The following PRMT9 variants were observed in gnomAD, a reference collection of about 807,000 sequenced individuals.
The protein encoded by PRMT9 is protein arginine methyltransferase 9.
PRMT9 carries 59 observed loss-of-function variants against 83.2 expected under a neutral mutation model. That is an observed-to-expected ratio of 0.71 (90% CI 0.57 to 0.88). PRMT9 has a LOEUF of 0.88. Ranked by LOEUF, PRMT9 falls within the 40% of genes least tolerant of loss-of-function variation. The probability of loss-of-function intolerance (pLI) is 0.00; values close to 1 mark genes in which losing one functional copy is unlikely to be tolerated. For missense variants in PRMT9, 947 were observed against 1,021.9 expected, an observed-to-expected ratio of 0.93 and a Z score of 1.00; for synonymous variants, 333 against 353.2, an observed-to-expected ratio of 0.94 and a Z score of 0.64.
At chr4:147,675,180 A>G (rs1735990295) in intron 2 of PRMT9, among the ~76,000 whole-genome samples, 1 of 152,028 alleles carries the variant, frequency 6.6e-6, no homozygotes, top group Non-Finnish European at 1.5e-5. Context: ...GGGTTTCTCC[A>G]TGTTGGTCAG....
In PRMT9 at chr4:147,684,130, A is replaced by G. The variant is rs1004260683; in HGVS notation, c.-143T>C. On this transcript the variant is annotated 5_prime_UTR_variant, in exon 1 of 12. Coordinates refer to ENST00000322396, the MANE Select transcript of PRMT9 (RefSeq NM_138364.4). ...ACCCTCCGCCGCGGGTGAACTCGCCAACCCCAGCCCAGGCGGAAGCTCCGC... is the reference window on the plus strand; with the variant it reads ...ACCCTCCGCCGCGGGTGAACTCGCCGACCCCAGCCCAGGCGGAAGCTCCGC... 4.1e-5 allele frequency: 40 copies of G among 972,460 alleles called. No individual in the cohort carries two copies. In the East Asian group the frequency reaches 1.0e-3, roughly 25 times the overall value. 60.2% of individuals were successfully genotyped at this position (972,460 alleles called of 1,614,324 possible).
chr4:147,680,318 C>G lies in PRMT9; in HGVS notation c.338+5G>C. On this transcript the variant is annotated splice_donor_5th_base_variant and intron_variant, in intron 2 of 11. Transcript: ENST00000322396. ...TTAACAAGTAATACTAAAATCACTA[C>G]AAACCTGAAGAGATGCTCCCCCATA... 6.2e-7 allele frequency: 1 copy of G among 1,613,816 alleles called. No individual in the cohort carries two copies. The highest frequency in any genetic ancestry group is 1.7e-5 in the Admixed American group (1 of 60,022).
intron 2 of PRMT9, among the ~76,000 whole-genome samples, chr4:147,677,038 C>T (rs111544727): frequency 0.027 from 3,793 of 138,496 alleles, 172 homozygotes; most frequent in African/African-American, 0.098. Context: ...AGCAAGACTC[C>T]GTCTCAAAAA....
Position 147,684,071 on chromosome 4 carries a change from C to G in PRMT9, c.-84G>C, listed in dbSNP as rs1332364277. The G allele has an allele frequency of 3.6e-6, 5 of 1,406,676 alleles. No homozygotes were observed. In the African/African-American group the frequency reaches 7.1e-5, roughly 20 times the overall value. 87.1% of individuals were successfully genotyped at this position (1,406,676 alleles called of 1,614,324 possible). ...CTCTCGATGCTACACTTCCAGGGAC[C>G]AGACAACTGCTCAAAAAACAGCACA... On this transcript the variant is annotated 5_prime_UTR_variant, in exon 1 of 12. Transcript: ENST00000322396.
rs111868573 is a variant in PRMT9 at position 147,647,525 on chromosome 4, C to CT, written c.2046-4586dup. 6.8e-3 allele frequency among the ~76,000 whole-genome samples: 965 copies of CT among 141,436 alleles called. 8 individuals carry two copies. Among genetic ancestry groups the CT allele is most frequent in the South Asian group, 0.027 (120 of 4,394 alleles). 92.8% of individuals were successfully genotyped at this position (141,436 alleles called of 152,430 possible). A position where few individuals can be genotyped will look rare whatever the true frequency, so the allele number is the denominator to read the frequency against. ...CCTGCCTTGTGATAATTACACTTTT[C>CT]TTTTTTTTTTTTTTTGAGACGGAGT... On this transcript the variant is annotated intron_variant, in intron 9 of 11. Coordinates refer to ENST00000322396, the MANE Select transcript of PRMT9 (RefSeq NM_138364.4).
intron 6 of PRMT9, among the ~76,000 whole-genome samples, chr4:147,661,884 A>G (rs1439506909): frequency 6.6e-6 from 1 of 152,100 alleles, no homozygotes; most frequent in East Asian, 1.9e-4. Context: ...TGGTAAGGAT[A>G]CAGTCTCATA....
intron 9 of PRMT9, among the ~76,000 whole-genome samples, chr4:147,643,500 T>C (rs1733544149): frequency 1.3e-5 from 2 of 152,198 alleles, no homozygotes; most frequent in African/African-American, 4.8e-5. Context: ...GCTATTTAAA[T>C]GGACACACGT....
chr4:147,659,103 C>T (rs535847575), intron 7 of PRMT9, among the ~76,000 whole-genome samples: 3 of 151,440 alleles, frequency 2.0e-5, no homozygotes, highest in South Asian at 4.2e-4. Flanking sequence ...GGCGTGAACC[C>T]GGAAGGTGGA....
At chr4:147,659,027 A>G (rs1442782546) in intron 7 of PRMT9, among the ~76,000 whole-genome samples, 3 of 152,076 alleles carry the variant, frequency 2.0e-5, no homozygotes, top group African/African-American at 7.2e-5. Context: ...AAAATACAAA[A>G]AAGTAGTCGG....
chr4:147,683,623 C>CTTT (rs796423597), intron 1 of PRMT9, among the ~76,000 whole-genome samples, 176 bp downstream of exon 1: 59 of 150,308 alleles, frequency 3.9e-4, no homozygotes, highest in African/African-American at 1.3e-3. Flanking sequence ...TTTTTCTTTT[C>CTTT]TTTTTTTTTA....
chr4:147,661,117 G>GAA, intron 6 of PRMT9, 79 bp from the exon 7 acceptor site: 1 of 900,282 alleles, frequency 1.1e-6, no homozygotes. Flanking sequence ...ACTGAGTCCA[G>GAA]AAAAAAATAC....
At chr4:147,649,751 C>T (rs560194030) in intron 9 of PRMT9, among the ~76,000 whole-genome samples, 8 of 152,228 alleles carry the variant, frequency 5.3e-5, no homozygotes, top group South Asian at 2.1e-4. Flanking sequence ...GTGATCCGCC[C>T]GCCTTGGCCT....
Position 147,683,892 on chromosome 4 carries a change from T to C in PRMT9, c.96A>G (p.Ala32=), listed in dbSNP as rs1247515492. Reference sequence around the variant, plus strand: ...AGTCCTGGACGCCCAGACAGTGCTCTGCGCTCTGCAAGGACCGCGACACCA... The same window carrying C: ...AGTCCTGGACGCCCAGACAGTGCTCCGCGCTCTGCAAGGACCGCGACACCA... ...DELVSRSLQS[A]EHCLGVQDFG... Residue 32 remains alanine, a synonymous_variant, in exon 1 of 12, where the codon GCA becomes GCG. Transcript: ENST00000322396. The C allele has an allele frequency of 6.2e-7, 1 of 1,613,666 alleles. No homozygotes were observed. The highest frequency in any genetic ancestry group is 2.2e-5 in the East Asian group (1 of 44,878).
At chr4:147,641,658 A>G (rs1733409383) in intron 10 of PRMT9, among the ~76,000 whole-genome samples, 1 of 152,070 alleles carries the variant, frequency 6.6e-6, no homozygotes, top group Non-Finnish European at 1.5e-5. Flanking sequence ...CCAAATCTAA[A>G]TGTACATGTA....
chr4:147,639,160 C>G, intron 10 of PRMT9, 78 bp from the exon 11 acceptor site: 5 of 1,468,300 alleles, frequency 3.4e-6, no homozygotes, highest in Non-Finnish European at 4.7e-6. Flanking sequence ...TTACACATTC[C>G]TTTTGTGGTC....
chr4:147,684,127 G>T lies in PRMT9; in HGVS notation c.-140C>A. On this transcript the variant is annotated 5_prime_UTR_variant, in exon 1 of 12. Coordinates refer to ENST00000322396, the MANE Select transcript of PRMT9 (RefSeq NM_138364.4). ...GTTACCCTCCGCCGCGGGTGAACTC[G>T]CCAACCCCAGCCCAGGCGGAAGCTC... The T allele has an allele frequency of 1.0e-6, 1 of 974,038 alleles. No individual in the cohort carries two copies. Among genetic ancestry groups the T allele is most frequent in the Non-Finnish European group, 1.6e-6 (1 of 641,876 alleles). 60.3% of individuals were successfully genotyped at this position (974,038 alleles called of 1,614,324 possible). A position where few individuals can be genotyped will look rare whatever the true frequency, so the allele number is the denominator to read the frequency against.
At chr4:147,646,693 C>T (rs1032733288) in intron 9 of PRMT9, among the ~76,000 whole-genome samples, 6 of 151,786 alleles carry the variant, frequency 4.0e-5, no homozygotes, top group East Asian at 1.9e-4. Context: ...GGAGGAGGTT[C>T]CCACCCCAAA....
At chr4:147,657,373 A>C (rs1192301417) in intron 8 of PRMT9, among the ~76,000 whole-genome samples, 1 of 152,074 alleles carries the variant, frequency 6.6e-6, no homozygotes, top group Non-Finnish European at 1.5e-5. Context: ...AAAATACAAA[A>C]AAGTAGCCAG....
rs746731362 is a variant in PRMT9 at position 147,642,892 on chromosome 4, C to A, written c.2094G>T (p.Met698Ile). 1 of 1,613,976 alleles carries A rather than the reference C, an allele frequency of 6.2e-7. No homozygotes were observed. Among genetic ancestry groups the A allele is most frequent in the Non-Finnish European group, 8.5e-7 (1 of 1,179,964 alleles). Residue 698 changes from methionine (M) to isoleucine (I), a missense_variant, in exon 10 of 12, where the codon ATG (methionine) becomes ATT (isoleucine). By Grantham distance (10) the Met-to-Ile change is conservative. Transcript: ENST00000322396. ...GGKIFPQYVL[M>I]FGLLVESQTL... ...TCTGTGATTCCACAAGCAACCCAAACATCAGCACATACTGAGGAAAGATCT... is the reference window on the plus strand; with the variant it reads ...TCTGTGATTCCACAAGCAACCCAAAAATCAGCACATACTGAGGAAAGATCT...
Sources: gnomAD v4.1 joint callset for allele counts (sites outside exome capture counted in the v4.1 genomes callset) on GRCh38, gnomAD v4.1.1 for gene constraint, MANE v1.5 for transcripts, NCBI Gene and HGNC (gene_info 2026-07-23, HGNC 2026-07-21) for gene names.